TRPC1: variants seen among roughly 807,000 people sequenced by gnomAD.
The protein encoded by TRPC1 is transient receptor potential cation channel subfamily C member 1.
Under a neutral mutation model 88.2 loss-of-function variants are expected in TRPC1, and 42 were observed. The ratio of observed to expected loss-of-function variants is 0.48; its 90% confidence interval spans 0.37 to 0.62. The LOEUF is 0.62. TRPC1 is among the 20% of genes least tolerant of loss of function. The probability of loss-of-function intolerance (pLI) is 0.00; values close to 1 mark genes in which losing one functional copy is unlikely to be tolerated. For synonymous variants in TRPC1, 288 were observed against 331.8 expected, an observed-to-expected ratio of 0.87 and a Z score of 1.43; for missense variants, 699 against 957.3, an observed-to-expected ratio of 0.73 and a Z score of 3.56.
Position 142,736,373 on chromosome 3 carries a change from AT to A in TRPC1, c.173-3del. On this transcript the variant is annotated splice_polypyrimidine_tract_variant and splice_region_variant and intron_variant, in intron 1 of 12. Transcript: ENST00000476941. The stretch of plus-strand genomic sequence containing the variant: ...TATTAAATTATGTTTGTATATTGTT[AT>A]TTAGGTGACTATTATATGGTTAAAA... 6.3e-7 allele frequency: 1 copy of A among 1,578,194 alleles called. No individual in the cohort carries two copies. Among genetic ancestry groups the A allele is most frequent in the South Asian group, 1.2e-5 (1 of 85,062 alleles).
At position 142,803,984 on chromosome 3, in the gene TRPC1, G is replaced by A; in HGVS notation, c.1765G>A (p.Gly589Ser). Reference sequence around the variant, plus strand: ...ATGCAATTGTCTTTACAGGTTCATTGGCACCTGCTTTGCTTTGTTCTGGTA... The same window carrying A: ...ATGCAATTGTCTTTACAGGTTCATTAGCACCTGCTTTGCTTTGTTCTGGTA... ...QSNDTFHSFI[G>S]TCFALFWYIF... Residue 589 changes from glycine (G) to serine (S), a missense_variant, in exon 11 of 13, where the codon GGC becomes AGC. This residue lies in a region of TRPC1 where 426 missense variants were observed against 641.3 expected (regional missense o/e 0.66). Transcript: ENST00000476941. The A allele has an allele frequency of 1.2e-6, 2 of 1,612,804 alleles. No homozygotes were observed. Among genetic ancestry groups the A allele is most frequent in the Non-Finnish European group, 1.7e-6 (2 of 1,179,398 alleles).
intron 2 of TRPC1, among the ~76,000 whole-genome samples, chr3:142,738,261 T>G (rs559556275): frequency 6.6e-6 from 1 of 152,348 alleles, no homozygotes; most frequent in Admixed American, 6.5e-5. Context: ...TAGTTCACTG[T>G]GTTCTGTCCA....
intron 7 of TRPC1, among the ~76,000 whole-genome samples, chr3:142,786,712 T>G (rs1936145736): frequency 6.6e-6 from 1 of 152,208 alleles, no homozygotes; most frequent in African/African-American, 2.4e-5. Context: ...CACATTAGTT[T>G]GAAGAGAATC....
intron 1 of TRPC1, among the ~76,000 whole-genome samples, chr3:142,729,130 C>A (rs1253166165): frequency 6.6e-6 from 1 of 152,194 alleles, no homozygotes; most frequent in Non-Finnish European, 1.5e-5. Context: ...GATACTTTAA[C>A]AACAGCAACG....
At chr3:142,797,730 G>A (rs1218197016) in intron 9 of TRPC1, among the ~76,000 whole-genome samples, 1 of 152,058 alleles carries the variant, frequency 6.6e-6, no homozygotes, top group East Asian at 1.9e-4. Context: ...GCATACCACA[G>A]TACTTGACAC....
chr3:142,796,216 C>T (rs1338496246), intron 9 of TRPC1, among the ~76,000 whole-genome samples: 3 of 152,096 alleles, frequency 2.0e-5, no homozygotes, highest in Non-Finnish European at 4.4e-5. Context: ...GGTGGTTTGG[C>T]TCCAGAGCCA....
At chr3:142,775,888 A>T (rs6803681) in intron 4 of TRPC1, among the ~76,000 whole-genome samples, 52,888 of 152,064 alleles carry the variant, frequency 0.35, 12,652 homozygotes, top group African/African-American at 0.69. Flanking sequence ...AATGAAGCTG[A>T]TGGAGAAAAT....
At chr3:142,739,704 A>C (rs934384669) in intron 2 of TRPC1, among the ~76,000 whole-genome samples, 1 of 152,244 alleles carries the variant, frequency 6.6e-6, no homozygotes, top group African/African-American at 2.4e-5. Flanking sequence ...GTATTTTAGA[A>C]AGATGTATCT....
intron 1 of TRPC1, among the ~76,000 whole-genome samples, chr3:142,728,331 A>G (rs1247028768): frequency 1.6e-5 from 2 of 125,166 alleles, no homozygotes; most frequent in East Asian, 2.2e-4. Context: ...TGATGACTGT[A>G]TTTCTTTTTT....
intron 2 of TRPC1, among the ~76,000 whole-genome samples, chr3:142,741,526 T>C (rs1439553223): frequency 6.6e-6 from 1 of 152,224 alleles, no homozygotes; most frequent in Non-Finnish European, 1.5e-5. Flanking sequence ...TGTTGTGCAT[T>C]GATAGTGATT....
Position 142,736,418 on chromosome 3 carries a change from G to A in TRPC1, c.212G>A (p.Ser71Asn). The A allele has an allele frequency of 6.2e-7, 1 of 1,611,240 alleles. No homozygotes were observed. Among genetic ancestry groups the A allele is most frequent in the African/African-American group, 1.3e-5 (1 of 74,954 alleles). The change falls in exon 2 of 13, where the codon AGT becomes AAT. Residue 71 changes from serine to asparagine, a missense_variant. Ser to Asn is a conservative substitution (Grantham distance 46). This residue lies in a region of TRPC1 where 157 missense variants were observed against 127.0 expected (regional missense o/e 1.24). Transcript: ENST00000476941. ...YMVKKILEEN[S>N]SGDLNINCVD... ...GTTAAAAAGATTTTGGAGGAAAACA[G>A]TTCAGGTGACTTGAACATAAATTGC... is the stretch of plus-strand genomic sequence containing the variant.
chr3:142,791,044 ACT>A lies in TRPC1; in HGVS notation c.1326_1327del (p.Trp443ValfsTer2). On this transcript the variant is annotated frameshift_variant, in exon 8 of 13. Transcript: ENST00000476941. LOFTEE classifies it high-confidence loss of function. The stretch of plus-strand genomic sequence containing the variant: ...GGATGATTTGGTCAGACATTAAAAG[ACT>A]CTGGTATGAAGGGTTGGAAGACTTT... ...IGMIWSDIKRLWYEGLEDFLE... is the reference protein window; with the variant it reads ...IGMIWSDIKRXWYEGLEDFLE... 6.2e-7 allele frequency: 1 copy of A among 1,606,284 alleles called. No individual in the cohort carries two copies. The highest frequency in any genetic ancestry group is 8.5e-7 in the Non-Finnish European group (1 of 1,176,998).
In TRPC1 at chr3:142,792,697, C is replaced by G. The variant is rs1208538801; in HGVS notation, c.1438-127C>G. 4.0e-6 allele frequency: 3 copies of G among 753,132 alleles called. No homozygotes were observed. The East Asian group carries it at 9.6e-5, about 24-fold the overall frequency. The allele number at this position is 753,132 out of a possible 1,614,324, so 46.7% of individuals were successfully genotyped here. A position where few individuals can be genotyped will look rare whatever the true frequency, so the allele number is the denominator to read the frequency against. On this transcript the variant is annotated intron_variant, in intron 8 of 12. Coordinates refer to ENST00000476941, the MANE Select transcript of TRPC1 (RefSeq NM_001251845.2). This position sits in a 1 kb window ranked among gnomAD's most constrained non-coding sequence, Gnocchi z 4.0. ...TCTATTTTTAAAAAACCCTATAAAA[C>G]ATAAGTGGAGATCCCCTATAAGAAG... is the stretch of plus-strand genomic sequence containing the variant.
chr3:142,743,815 A>G (rs944260996), intron 3 of TRPC1, among the ~76,000 whole-genome samples: 1 of 152,170 alleles, frequency 6.6e-6, no homozygotes, highest in African/African-American at 2.4e-5. Flanking sequence ...ACTGTGGACC[A>G]GTATTTACCA....
intron 4 of TRPC1, among the ~76,000 whole-genome samples, chr3:142,761,263 G>A (rs955192168): frequency 3.3e-5 from 5 of 151,856 alleles, no homozygotes; most frequent in Non-Finnish European, 7.4e-5. Flanking sequence ...TTTTTTGGTT[G>A]TTGTTGTTGT....
chr3:142,736,616 TTC>T, intron 2 of TRPC1, 83 bp downstream of exon 2: 1 of 1,193,640 alleles, frequency 8.4e-7, no homozygotes, highest in Non-Finnish European at 1.1e-6. Flanking sequence ...GTTTTCTTTC[TTC>T]TTTTTCCTCC....
intron 12 of TRPC1, 84 bp downstream of exon 12, chr3:142,804,714 G>T: frequency 7.7e-7 from 1 of 1,303,892 alleles, no homozygotes; most frequent in Non-Finnish European, 1.1e-6. Context: ...AAGTATGCAG[G>T]TTCCCTAAGG....
At chr3:142,765,607 G>T (rs879827584) in intron 4 of TRPC1, among the ~76,000 whole-genome samples, 1 of 152,118 alleles carries the variant, frequency 6.6e-6, no homozygotes, top group Non-Finnish European at 1.5e-5. Context: ...AGAATAACTG[G>T]CTATCCAGAT....
At chr3:142,773,558 G>A (rs1935652753) in intron 4 of TRPC1, among the ~76,000 whole-genome samples, 1 of 149,634 alleles carries the variant, frequency 6.7e-6, no homozygotes, top group Admixed American at 6.7e-5. Flanking sequence ...CCAGCATCCT[G>A]ACATCTGGTC....
Sources: gnomAD v4.1 joint callset for allele counts (sites outside exome capture counted in the v4.1 genomes callset) on GRCh38, gnomAD v4.1.1 for gene constraint, gnomAD v4.1.1 regional missense constraint, Gnocchi (gnomAD v3.1) non-coding constraint, MANE v1.5 for transcripts, NCBI Gene and HGNC (gene_info 2026-07-23, HGNC 2026-07-21) for gene names.